SNURF: variants seen among roughly 807,000 people sequenced by gnomAD.
SNURF encodes SNRPN upstream open reading frame.
Under a neutral mutation model 11.6 loss-of-function variants are expected in SNURF, and 6 were observed. The ratio of observed to expected loss-of-function variants is 0.52; its 90% CI spans 0.28 to 1.02. The LOEUF (loss-of-function observed/expected upper bound fraction) is 1.02. SNURF is among the 50% of genes least tolerant of loss of function. The pLI is 0.09. For missense variants in SNURF, 84 were observed against 88.4 expected, an observed-to-expected ratio of 0.95 and a Z score of 0.20; for synonymous variants, 29 against 31.6, an observed-to-expected ratio of 0.92 and a Z score of 0.27.
At chr15:24,976,998 C>G in exon 6 of SNURF, 1 of 1,595,306 alleles carries the variant, frequency 6.3e-7, no homozygotes, top group Non-Finnish European at 8.5e-7. Context: ...TTGGCAGGCC[C>G]TGTCCGAGGA....
chr15:24,968,242 T>G, exon 3 of SNURF: 2 of 552,224 alleles, frequency 3.6e-6, no homozygotes, highest in South Asian at 4.2e-5. Flanking sequence ...GACCTTAAAT[T>G]TTCTGCCCTG....
chr15:24,964,093 G>T (rs1329718908), intron 2 of SNURF, among the ~76,000 whole-genome samples: 1 of 145,400 alleles, frequency 6.9e-6, no homozygotes, highest in African/African-American at 2.8e-5. Context: ...TGAGGGTAAA[G>T]ATTTTTTTTT....
chr15:24,969,811 A>AT (rs1343644698), downstream of SNURF, among the ~76,000 whole-genome samples: 2 of 152,206 alleles, frequency 1.3e-5, no homozygotes, highest in Non-Finnish European at 2.9e-5. Context: ...GGTTGGTAAT[A>AT]TATCTGGACC....
At chr15:24,974,701 A>C (rs1232589790) in intron 3 of SNURF, 5 of 610,742 alleles carry the variant, frequency 8.2e-6, no homozygotes, top group Non-Finnish European at 1.5e-5. Flanking sequence ...GCTCACTGCA[A>C]CCCTGGGTTC....
At chr15:24,972,109 A>G (rs1043143072), downstream of SNURF, among the ~76,000 whole-genome samples, 1 of 151,972 alleles carries the variant, frequency 6.6e-6, no homozygotes, top group African/African-American at 2.4e-5. Context: ...TACAAAAATT[A>G]GCCGGGTGTG....
At chr15:24,972,028 G>A (rs565881059), downstream of SNURF, among the ~76,000 whole-genome samples, 43 of 152,248 alleles carry the variant, frequency 2.8e-4, 1 homozygote, top group African/African-American at 9.9e-4. Flanking sequence ...GGCTGAGGCC[G>A]GCAGGTCACC....
chr15:24,969,547 A>G (rs185105339), downstream of SNURF, among the ~76,000 whole-genome samples: 34 of 152,288 alleles, frequency 2.2e-4, no homozygotes, highest in Admixed American at 2.2e-3. Context: ...ATCATTGTCC[A>G]AAGCTTTTCC....
At position 24,954,994 on chromosome 15, in the gene SNURF, G is replaced by C. The variant is rs541877352; in HGVS notation, c.-55G>C. ...TGCTGCAGCGAGTCTGGCGCAGAGTGGAGCGGCCGCCGGAGATGCCTGACG... is the reference window on the plus strand; with the variant it reads ...TGCTGCAGCGAGTCTGGCGCAGAGTCGAGCGGCCGCCGGAGATGCCTGACG... On this transcript the variant is annotated 5_prime_UTR_variant, in exon 1 of 3. Transcript: ENST00000577949. 2.0e-5 allele frequency: 33 copies of C among 1,609,948 alleles called. No homozygotes were observed. The African/African-American group carries it at 3.9e-4, about 19-fold the overall frequency.
At chr15:24,955,600 G>A (rs1161669252) in intron 1 of SNURF, among the ~76,000 whole-genome samples, 1 of 147,514 alleles carries the variant, frequency 6.8e-6, no homozygotes, top group Non-Finnish European at 1.5e-5. Flanking sequence ...TACGTGGGGC[G>A]ACTGGGGGGG....
chr15:24,955,094 C>G (rs1397942619), intron 1 of SNURF, 32 bp downstream of exon 1: 1 of 1,613,424 alleles, frequency 6.2e-7, no homozygotes. Context: ...TCTCAAGAGA[C>G]AGCCTGGGGA....
At chr15:24,973,364 C>T (rs1227140904), downstream of SNURF, among the ~76,000 whole-genome samples, 1 of 152,158 alleles carries the variant, frequency 6.6e-6, no homozygotes, top group Non-Finnish European at 1.5e-5. Context: ...AAATGCATTT[C>T]TCCTAATGTG....
intron 1 of SNURF, among the ~76,000 whole-genome samples, chr15:24,956,414 G>A (rs539634582): frequency 4.1e-4 from 63 of 152,206 alleles, no homozygotes; most frequent in Non-Finnish European, 7.1e-4. Flanking sequence ...GGTGGTGTGT[G>A]TTCAGCTTCT....
At chr15:24,962,571 TG>T (rs1355806500) in intron 2 of SNURF, among the ~76,000 whole-genome samples, 1 of 152,224 alleles carries the variant, frequency 6.6e-6, no homozygotes, top group Non-Finnish European at 1.5e-5. Context: ...TATTCATTCT[TG>T]CTCTGTGATA....
downstream of SNURF, among the ~76,000 whole-genome samples, chr15:24,971,398 A>G (rs900742953): frequency 2.6e-5 from 4 of 152,180 alleles, no homozygotes. Context: ...ACATTGTATC[A>G]CATTTAGGGA....
At chr15:24,955,245 G>C (rs929685726) in intron 1 of SNURF, among the ~76,000 whole-genome samples, 183 bp downstream of exon 1, 1 of 152,140 alleles carries the variant, frequency 6.6e-6, no homozygotes, top group Non-Finnish European at 1.5e-5. Flanking sequence ...GTTCTGCCCC[G>C]ATGGTATCCT....
At chr15:24,974,360 G>A in intron 3 of SNURF, 1 of 1,168,228 alleles carries the variant, frequency 8.6e-7, no homozygotes, top group Non-Finnish European at 1.3e-6. Context: ...GTTTCTAGGA[G>A]AACCTGCGTC....
chr15:24,961,410 C>G (rs574889656), intron 1 of SNURF, among the ~76,000 whole-genome samples: 6 of 152,262 alleles, frequency 3.9e-5, no homozygotes, highest in African/African-American at 7.2e-5. Context: ...GTCCTGCTGA[C>G]CTTTCTGATT....
intron 4 of SNURF, chr15:24,975,597 C>A (rs1023976843): frequency 9.1e-7 from 1 of 1,103,612 alleles, no homozygotes; most frequent in African/African-American, 1.5e-5. Context: ...CCGAGGGTAA[C>A]TGAAGTAGTT....
intron 2 of SNURF, among the ~76,000 whole-genome samples, chr15:24,963,058 T>G (rs1566960358): frequency 6.6e-6 from 1 of 152,190 alleles, no homozygotes; most frequent in African/African-American, 2.4e-5. Context: ...CCATCAGACC[T>G]TGTCCTATGC....
Sources: gnomAD v4.1 joint callset for allele counts (sites outside exome capture counted in the v4.1 genomes callset) on GRCh38, gnomAD v4.1.1 for gene constraint, MANE v1.5 for transcripts, NCBI Gene and HGNC (gene_info 2026-07-23, HGNC 2026-07-21) for gene names.